Variants in SGCD observed in about 807,000 individuals in gnomAD.
SGCD encodes the protein delta-sarcoglycan.
Under a neutral mutation model 36.6 loss-of-function variants are expected in SGCD, and 18 were observed. The ratio of observed to expected loss-of-function variants is 0.49; its 90% CI spans 0.34 to 0.73. The LOEUF is 0.73. SGCD is among the 30% of genes least tolerant of loss of function. The pLI, the probability that SGCD is intolerant of heterozygous loss-of-function variation, is 0.01. For synonymous variants in SGCD, 133 were observed against 130.6 expected (o/e 1.02, Z -0.12); for missense variants, 387 against 346.7 (o/e 1.12, Z -0.92).
intron 3 of SGCD, among the ~76,000 whole-genome samples, chr5:156,170,240 G>T (rs1177797600): frequency 6.6e-6 from 1 of 152,132 alleles, no homozygotes; most frequent in Non-Finnish European, 1.5e-5. Context: ...AAACTAAGTT[G>T]CAGATCAAAA....
intron 3 of SGCD, among the ~76,000 whole-genome samples, chr5:156,439,414 G>T (rs996472607): frequency 1.3e-5 from 2 of 152,114 alleles, no homozygotes; most frequent in Non-Finnish European, 2.9e-5. Flanking sequence ...GTACTTAAGA[G>T]AAATGGATTG....
At chr5:155,935,955 C>T (rs1188573511) in intron 1 of SGCD, among the ~76,000 whole-genome samples, 1 of 152,136 alleles carries the variant, frequency 6.6e-6, no homozygotes, top group Non-Finnish European at 1.5e-5. Flanking sequence ...GCTCCAGGCA[C>T]CAGCACAGGT....
intron 2 of SGCD, among the ~76,000 whole-genome samples, chr5:156,340,199 C>T: frequency 6.6e-6 from 1 of 152,160 alleles, no homozygotes; most frequent in Non-Finnish European, 1.5e-5. Context: ...GTATTATTGA[C>T]AGTAGAGCAT....
At chr5:156,584,545 G>A (rs577614476) in intron 4 of SGCD, among the ~76,000 whole-genome samples, 23 of 152,254 alleles carry the variant, frequency 1.5e-4, no homozygotes, top group African/African-American at 5.3e-4. Context: ...CATGCCAGAT[G>A]AGTGCTACAT....
intron 2 of SGCD, among the ~76,000 whole-genome samples, chr5:156,334,612 T>TTTTC (rs1554094042): frequency 6.9e-6 from 1 of 145,866 alleles, no homozygotes; most frequent in Non-Finnish European, 1.5e-5. Context: ...CTATTTTCTT[T>TTTTC]TTTTTTTTTT....
chr5:155,830,561 C>T, the SGCD span, among the ~76,000 whole-genome samples: 2 of 152,184 alleles, frequency 1.3e-5, no homozygotes, highest in African/African-American at 2.4e-5. Context: ...GACAGCAGGA[C>T]TTTGGTTAAA....
In SGCD at chr5:156,766,054, C is replaced by G. The variant is rs1010222786; in HGVS notation, c.*6664C>G. On this transcript the variant is annotated 3_prime_UTR_variant, in exon 9 of 9. Coordinates refer to ENST00000337851, the MANE Select transcript of SGCD (RefSeq NM_000337.6). ...AAGCTTAAAAAAAAAAAAAAAAGAC[C>G]GGAAAATACCTGGGTTGTTAGCCTC... 2 of 145,648 alleles carry G rather than the reference C, an allele frequency of 1.4e-5. No homozygotes were observed. Among genetic ancestry groups the G allele is most frequent in the East Asian group, 4.0e-4 (2 of 4,944 alleles). 9.0% of individuals were successfully genotyped at this position (145,648 alleles called of 1,614,324 possible). A position where few individuals can be genotyped will look rare whatever the true frequency, so the allele number is the denominator to read the frequency against.
At chr5:155,921,170 G>GT (rs1226910939) in intron 1 of SGCD, among the ~76,000 whole-genome samples, 1 of 152,168 alleles carries the variant, frequency 6.6e-6, no homozygotes, top group Non-Finnish European at 1.5e-5. Context: ...ACAGTGTCCA[G>GT]TGTTGCAGAA....
chr5:156,205,642 A>C (rs1310120277), intron 3 of SGCD, among the ~76,000 whole-genome samples: 2 of 152,092 alleles, frequency 1.3e-5, no homozygotes, highest in Non-Finnish European at 2.9e-5. Flanking sequence ...ATATCTTCTG[A>C]AAGTGCAACT....
At chr5:156,248,447 A>G (rs1765491934) in intron 3 of SGCD, among the ~76,000 whole-genome samples, 1 of 152,146 alleles carries the variant, frequency 6.6e-6, no homozygotes, top group Non-Finnish European at 1.5e-5. Flanking sequence ...TGAACCCGGG[A>G]GGCAGAGGTG....
intron 3 of SGCD, among the ~76,000 whole-genome samples, chr5:156,374,590 G>GAAAGAA (rs1770556055): frequency 6.6e-6 from 1 of 151,392 alleles, no homozygotes; most frequent in Admixed American, 6.6e-5. Context: ...AAGCAAATTT[G>GAAAGAA]AAAGAAAAAG....
intron 3 of SGCD, among the ~76,000 whole-genome samples, chr5:156,464,269 G>A (rs1334075771): frequency 7.1e-6 from 1 of 141,558 alleles, no homozygotes; most frequent in Admixed American, 7.6e-5. Flanking sequence ...CACCCAGGCT[G>A]GAGTGCAATG....
At chr5:155,921,780 T>C (rs1203243682) in intron 1 of SGCD, among the ~76,000 whole-genome samples, 2 of 152,172 alleles carry the variant, frequency 1.3e-5, no homozygotes, top group East Asian at 3.9e-4. Context: ...TGCTGAAAAA[T>C]ACTGACACAT....
intron 3 of SGCD, among the ~76,000 whole-genome samples, chr5:156,284,350 C>T (rs1316619212): frequency 5.9e-5 from 9 of 152,098 alleles, no homozygotes; most frequent in Non-Finnish European, 7.4e-5. Flanking sequence ...GATACCAAAG[C>T]CTGGCAGAGA....
chr5:156,306,654 T>C (rs925079080), intron 3 of SGCD, among the ~76,000 whole-genome samples: 2 of 152,338 alleles, frequency 1.3e-5, no homozygotes, highest in East Asian at 3.9e-4. Context: ...TATTCAAGAC[T>C]ATCTTTTATA....
chr5:155,950,550 G>A (rs1757528691), intron 1 of SGCD, among the ~76,000 whole-genome samples: 1 of 152,174 alleles, frequency 6.6e-6, no homozygotes, highest in African/African-American at 2.4e-5. Flanking sequence ...GGGGTTGGAT[G>A]AGCACCATAC....
At chr5:155,738,744 ATG>A in the SGCD span, among the ~76,000 whole-genome samples, 1 of 137,464 alleles carries the variant, frequency 7.3e-6, no homozygotes, top group Non-Finnish European at 1.5e-5. Context: ...GAGTGTGTGC[ATG>A]TGAGTGTAAG....
chr5:156,433,528 C>T (rs758337134), intron 3 of SGCD, among the ~76,000 whole-genome samples: 18 of 152,270 alleles, frequency 1.2e-4, no homozygotes, highest in African/African-American at 1.4e-4. Flanking sequence ...TTTGTGCCTC[C>T]GCCTTCTTGT....
At chr5:156,247,042 G>T (rs1029232551) in intron 3 of SGCD, among the ~76,000 whole-genome samples, 2 of 152,140 alleles carry the variant, frequency 1.3e-5, no homozygotes, top group Admixed American at 1.3e-4. Flanking sequence ...CATTTGCAGC[G>T]CTTCTTGAGC....
Sources: allele counts gnomAD v4.1 joint callset (sites outside exome capture counted in the v4.1 genomes callset), GRCh38; gene constraint gnomAD v4.1.1; transcripts MANE v1.5; gene names NCBI Gene and HGNC (gene_info 2026-07-23, HGNC 2026-07-21).